THSD7A: variants seen among roughly 807,000 people sequenced by gnomAD.
THSD7A encodes the protein thrombospondin type 1 domain containing 7A, also known as thrombospondin type-1 domain-containing protein 7A.
Under a neutral mutation model 231.3 loss-of-function variants are expected in THSD7A, and 96 were observed. The observed-to-expected ratio is 0.41, with a 90% CI of 0.35 to 0.49. The LOEUF is 0.49. Ranked by LOEUF, THSD7A falls within the 20% of genes least tolerant of loss-of-function variation. THSD7A has a pLI of 0.05. For missense variants in THSD7A, 2,290 were observed against 2,070.2 expected (o/e 1.11, Z -2.06); for synonymous variants, 940 against 743.3 (o/e 1.26, Z -4.30).
rs546387875 is a variant in THSD7A, at chr7:11,590,198, A to G, written c.1453+262T>C. Among the ~76,000 whole-genome samples, 30 of 152,298 alleles carry G rather than the reference A, an allele frequency of 2.0e-4. 2 individuals are homozygous for G. Among genetic ancestry groups the G allele is most frequent in the African/African-American group, 6.7e-4 (28 of 41,564 alleles). ...TTTACATTATTCCTGCTAAACTTTG[A>G]TGAAGAGGTTGAGTCAAGAAGGCCT... On this transcript the variant is annotated intron_variant, in intron 4 of 27. Transcript: ENST00000423059. The surrounding 1 kb of genome is among the most constrained non-coding windows in gnomAD (Gnocchi z 4.4).
At chr7:11,718,506 A>G (rs1003974441) in intron 1 of THSD7A, among the ~76,000 whole-genome samples, 1 of 151,600 alleles carries the variant, frequency 6.6e-6, no homozygotes, top group African/African-American at 2.4e-5. Flanking sequence ...GTTGCATTCC[A>G]TGGAACTAGC....
intron 16 of THSD7A, among the ~76,000 whole-genome samples, chr7:11,418,983 A>G (rs1165287698): frequency 6.6e-6 from 1 of 152,152 alleles, no homozygotes; most frequent in Non-Finnish European, 1.5e-5. Flanking sequence ...CAATATCATT[A>G]AAAAAATGTT....
At chr7:11,543,184 T>C in intron 4 of THSD7A, 67 bp from the exon 5 acceptor site, 1 of 1,458,398 alleles carries the variant, frequency 6.9e-7, no homozygotes, top group African/African-American at 1.4e-5. Flanking sequence ...ACAATATGAT[T>C]TTTCTGTGTG....
chr7:11,668,745 G>A (rs1028214323), intron 1 of THSD7A, among the ~76,000 whole-genome samples: 1 of 152,108 alleles, frequency 6.6e-6, no homozygotes, highest in Non-Finnish European at 1.5e-5. Context: ...AAGGAACGGC[G>A]GGAGCACAGA....
chr7:11,382,030 T>C (rs982847777), intron 24 of THSD7A, among the ~76,000 whole-genome samples: 2 of 152,170 alleles, frequency 1.3e-5, no homozygotes, highest in African/African-American at 4.8e-5. Flanking sequence ...AATTTACCAG[T>C]AGGTCTTCCC....
chr7:11,508,292 A>T (rs1787642638), intron 6 of THSD7A, among the ~76,000 whole-genome samples: 1 of 152,208 alleles, frequency 6.6e-6, no homozygotes, highest in South Asian at 2.1e-4. Flanking sequence ...AAGAAGAAAT[A>T]CAGCGAGCCA....
At chr7:11,658,672 A>T (rs1043263346) in intron 1 of THSD7A, among the ~76,000 whole-genome samples, 1 of 151,678 alleles carries the variant, frequency 6.6e-6, no homozygotes, top group Non-Finnish European at 1.5e-5. Flanking sequence ...CTGAATATTT[A>T]ACTGTAGATA....
rs1326825578 is a variant in THSD7A at position 11,590,595 on chromosome 7, A to C, written c.1318T>G (p.Leu440Val). The C allele has an allele frequency of 6.2e-7, 1 of 1,613,506 alleles. No homozygotes were observed. Among genetic ancestry groups the C allele is most frequent in the Non-Finnish European group, 8.5e-7 (1 of 1,179,722 alleles). The change falls in exon 4 of 28, where the codon TTG becomes GTG. Residue 440 changes from leucine (L) to valine (V), a missense_variant. Coordinates refer to ENST00000423059, the MANE Select transcript of THSD7A (RefSeq NM_015204.3). The surrounding 1 kb of genome is among the most constrained non-coding windows in gnomAD (Gnocchi z 4.4). ...TEWTECRVDP[L>V]LSQQDKRRGN... is the part of the protein sequence containing the mutation. Reference sequence around the variant, plus strand: ...CGCCTCTTGTCCTGCTGACTGAGCAAAGGGTCCACACGGCACTCAGTCCAC... The same window carrying C: ...CGCCTCTTGTCCTGCTGACTGAGCACAGGGTCCACACGGCACTCAGTCCAC...
At chr7:11,743,914 G>C (rs894127211) in intron 1 of THSD7A, among the ~76,000 whole-genome samples, 2 of 151,900 alleles carry the variant, frequency 1.3e-5, no homozygotes, top group African/African-American at 4.8e-5. Flanking sequence ...AGTGGGCTTT[G>C]CGCATATTGC....
chr7:11,763,121 T>TA (rs1221534300), intron 1 of THSD7A, among the ~76,000 whole-genome samples: 1 of 152,170 alleles, frequency 6.6e-6, no homozygotes, highest in Non-Finnish European at 1.5e-5. Context: ...CCCCACACTT[T>TA]GCCATAGCAC....
chr7:11,468,981 A>C (rs2128300638), intron 9 of THSD7A, among the ~76,000 whole-genome samples: 1 of 152,310 alleles, frequency 6.6e-6, no homozygotes, highest in African/African-American at 2.4e-5. Context: ...GTAACACAGT[A>C]AAAGTATCCA....
At chr7:11,767,406 C>T (rs1049622102) in intron 1 of THSD7A, among the ~76,000 whole-genome samples, 15 of 152,100 alleles carry the variant, frequency 9.9e-5, no homozygotes, top group Non-Finnish European at 2.1e-4. Context: ...CTCAAACATA[C>T]CAAGCATGTG....
intron 1 of THSD7A, among the ~76,000 whole-genome samples, chr7:11,790,962 C>T (rs1346862609): frequency 1.3e-5 from 2 of 151,748 alleles, no homozygotes; most frequent in Admixed American, 6.6e-5. Flanking sequence ...TATAGAGATC[C>T]CTCTATATTC....
At chr7:11,671,751 C>G (rs1410278139) in intron 1 of THSD7A, among the ~76,000 whole-genome samples, 1 of 152,022 alleles carries the variant, frequency 6.6e-6, no homozygotes, top group African/African-American at 2.4e-5. Flanking sequence ...CAATGAAACA[C>G]AATATATACA....
chr7:11,804,967 C>T (rs1029835882), intron 1 of THSD7A, among the ~76,000 whole-genome samples: 4 of 152,074 alleles, frequency 2.6e-5, no homozygotes, highest in African/African-American at 4.8e-5. Context: ...CATGAACCCT[C>T]ATATTTTCTA....
Position 11,794,559 on chromosome 7 carries a change from T to G in THSD7A, c.190+37198A>C, listed in dbSNP as rs561535273. Among the ~76,000 whole-genome samples, 619 of 152,062 alleles carry G rather than the reference T, an allele frequency of 4.1e-3. 3 individuals are homozygous for G. The highest frequency in any genetic ancestry group is 6.8e-3 in the Non-Finnish European group (463 of 67,892). On this transcript the variant is annotated intron_variant, in intron 1 of 27. Coordinates refer to ENST00000423059, the MANE Select transcript of THSD7A (RefSeq NM_015204.3). ...TATAAGGATTTAATTCAGGTCAATCTCTTACTAATCCACAGCGTGAAGCAG... is the reference window on the plus strand; with the variant it reads ...TATAAGGATTTAATTCAGGTCAATCGCTTACTAATCCACAGCGTGAAGCAG...
intron 1 of THSD7A, among the ~76,000 whole-genome samples, chr7:11,824,280 A>C (rs1389165008): frequency 6.6e-6 from 1 of 152,002 alleles, no homozygotes; most frequent in East Asian, 1.9e-4. Flanking sequence ...TATTCACTAC[A>C]CTGAGGGACT....
rs113274447 is a variant in THSD7A at position 11,544,126 on chromosome 7, G to A, written c.1454-1009C>T. On this transcript the variant is annotated intron_variant, in intron 4 of 27. Transcript: ENST00000423059. ...TGGGAGGACGAGGTGGGCAGATCACGAGGTCAAGAGCTAGAGACCATCCAG... is the reference window on the plus strand; with the variant it reads ...TGGGAGGACGAGGTGGGCAGATCACAAGGTCAAGAGCTAGAGACCATCCAG... Among the ~76,000 whole-genome samples, 14 of 152,156 alleles carry A rather than the reference G, an allele frequency of 9.2e-5. 1 individual carries two copies. Among genetic ancestry groups the A allele is most frequent in the African/African-American group, 2.6e-4 (11 of 41,520 alleles).
intron 2 of THSD7A, among the ~76,000 whole-genome samples, chr7:11,613,175 A>C (rs1780990045): frequency 6.6e-6 from 1 of 152,250 alleles, no homozygotes; most frequent in Non-Finnish European, 1.5e-5. Flanking sequence ...GGTATCCCAC[A>C]ATCTTGGACT....
Sources: gnomAD v4.1 joint callset for allele counts (sites outside exome capture counted in the v4.1 genomes callset) on GRCh38, gnomAD v4.1.1 for gene constraint, Gnocchi (gnomAD v3.1) non-coding constraint, MANE v1.5 for transcripts, NCBI Gene and HGNC (gene_info 2026-07-23, HGNC 2026-07-21) for gene names.